SIK2: variants seen among roughly 807,000 people sequenced by gnomAD.
SIK2 encodes the protein serine/threonine-protein kinase SIK2.
SIK2 carries 29 observed loss-of-function variants against 103.2 expected under a neutral mutation model. That is an observed-to-expected ratio of 0.28 (90% CI 0.21 to 0.38). The LOEUF (loss-of-function observed/expected upper bound fraction) is 0.38. Among genes scored for constraint, SIK2 ranks in the 10% least tolerant of loss-of-function variants. The pLI is 1.00. For missense variants in SIK2, 879 were observed against 1,171.0 expected, an observed-to-expected ratio of 0.75 and a Z score of 3.64; for synonymous variants, 412 against 446.1, an observed-to-expected ratio of 0.92 and a Z score of 0.96.
chr11:111,626,831 G>T (rs1490508933), intron 3 of SIK2, among the ~76,000 whole-genome samples: 1 of 152,002 alleles, frequency 6.6e-6, no homozygotes, highest in Admixed American at 6.6e-5. Context: ...CCTTAAACAT[G>T]CCTTGCTCTT....
intron 1 of SIK2, among the ~76,000 whole-genome samples, chr11:111,610,263 G>T (rs1331611231): frequency 6.6e-6 from 1 of 152,160 alleles, no homozygotes; most frequent in African/African-American, 2.4e-5. Flanking sequence ...GCCGAGGCGG[G>T]TGGATTGCTT....
chr11:111,622,943 T>G (rs549512541), intron 3 of SIK2, among the ~76,000 whole-genome samples: 1 of 152,334 alleles, frequency 6.6e-6, no homozygotes, highest in South Asian at 2.1e-4. Flanking sequence ...GTGACTATAC[T>G]CTTTTCATCA....
In SIK2 at chr11:111,602,476, G is replaced by T. The variant is rs896099701; in HGVS notation, c.-88G>T. ...GGAGCGAAGGAGCGAAGGAGCAAGC[G>T]GAGCGGCCGTCGCCCAAGCCAAGCC... On this transcript the variant is annotated 5_prime_UTR_variant, in exon 1 of 15. Transcript: ENST00000304987. This position sits in a 1 kb window ranked among gnomAD's most constrained non-coding sequence, Gnocchi z 4.5. The T allele has an allele frequency of 1.2e-5, 16 of 1,339,980 alleles. No individual in the cohort carries two copies. The African/African-American group carries it at 1.2e-4, about 10-fold the overall frequency. The allele number at this position is 1,339,980 out of a possible 1,614,324, so 83.0% of individuals were successfully genotyped here.
intron 3 of SIK2, among the ~76,000 whole-genome samples, chr11:111,673,013 T>C: frequency 6.6e-6 from 1 of 152,254 alleles, no homozygotes; most frequent in South Asian, 2.1e-4. Flanking sequence ...TGGAAACCCA[T>C]GCTAATCTCT....
chr11:111,603,331 C>T lies in SIK2; in HGVS notation c.135+633C>T, dbSNP rs997750300. Among the ~76,000 whole-genome samples the T allele has an allele frequency of 4.6e-5, 7 of 152,282 alleles. No individual in the cohort carries two copies. The East Asian group carries it at 1.2e-3, about 25-fold the overall frequency. ...GGCTAGCTTGATCTCTTGCCTGGGGCATTTCCATTTAATGCCCCAGACAAT... is the reference window on the plus strand; with the variant it reads ...GGCTAGCTTGATCTCTTGCCTGGGGTATTTCCATTTAATGCCCCAGACAAT... On this transcript the variant is annotated intron_variant, in intron 1 of 14. Transcript: ENST00000304987.
chr11:111,646,004 A>G (rs1942251216), intron 3 of SIK2, among the ~76,000 whole-genome samples: 4 of 152,166 alleles, frequency 2.6e-5, no homozygotes, highest in Admixed American at 2.6e-4. Context: ...TTTATGTTTT[A>G]GACACTTTCA....
intron 10 of SIK2, 53 bp downstream of exon 10, chr11:111,720,056 C>G: frequency 6.5e-7 from 1 of 1,542,230 alleles, no homozygotes. Flanking sequence ...ATGTCATACT[C>G]CAATTGCCAA....
intron 4 of SIK2, among the ~76,000 whole-genome samples, chr11:111,697,793 C>T (rs914008330): frequency 4.6e-5 from 7 of 151,798 alleles, no homozygotes; most frequent in African/African-American, 1.7e-4. Context: ...GAGTTTAAGA[C>T]CAGCCTACAC....
At chr11:111,687,795 C>T (rs1259839792) in intron 3 of SIK2, among the ~76,000 whole-genome samples, 9 of 151,570 alleles carry the variant, frequency 5.9e-5, no homozygotes, top group Non-Finnish European at 5.9e-5. Context: ...TTAGTAGAGA[C>T]GGGGTTTCAC....
In SIK2 at chr11:111,723,642, C is replaced by A; in HGVS notation, c.2294C>A (p.Ala765Asp). ...GAGACTCCACCGCCTTCTCAGCAGG[C>A]CCCACCGTTCAGCCTGACCCAGCCC... The part of the protein sequence containing the change: ...RQETPPPSQQ[A>D]PPFSLTQPLS... The change falls in exon 15 of 15, where the codon GCC (alanine) becomes GAC (aspartate). Residue 765 changes from alanine (A) to aspartate (D), a missense_variant. Ala to Asp is a moderately radical substitution (Grantham distance 126, BLOSUM62 -2). Coordinates refer to ENST00000304987, the MANE Select transcript of SIK2 (RefSeq NM_015191.3). 2 of 1,614,138 alleles carry A rather than the reference C, an allele frequency of 1.2e-6. No individual in the cohort carries two copies. Among genetic ancestry groups the A allele is most frequent in the East Asian group, 2.2e-5 (1 of 44,876 alleles).
chr11:111,700,298 G>A (rs1330496090), intron 4 of SIK2, among the ~76,000 whole-genome samples: 1 of 152,166 alleles, frequency 6.6e-6, no homozygotes, highest in Non-Finnish European at 1.5e-5. Flanking sequence ...GGTGGCTTGT[G>A]GCTGGGCTAT....
intron 7 of SIK2, 90 bp downstream of exon 7, chr11:111,703,513 T>C: frequency 8.8e-7 from 1 of 1,134,794 alleles, no homozygotes. Context: ...TTAGCACATG[T>C]ATCTCCAGCG....
chr11:111,723,346 A>T (rs1943862324), intron 14 of SIK2, 150 bp from the exon 15 acceptor site: 4 of 800,166 alleles, frequency 5.0e-6, no homozygotes, highest in Non-Finnish European at 7.8e-6. Flanking sequence ...TAAGAGACCC[A>T]ACACAATTGG....
At chr11:111,608,050 A>G (rs566081608) in intron 1 of SIK2, among the ~76,000 whole-genome samples, 1 of 152,334 alleles carries the variant, frequency 6.6e-6, no homozygotes, top group Admixed American at 6.5e-5. Context: ...TCCAGAATTC[A>G]TTAGGATATC....
Position 111,703,304 on chromosome 11 carries a change from G to A in SIK2, c.829G>A (p.Val277Ile), listed in dbSNP as rs764751245. ...EHKWMLIEVP[V>I]QRPVLYPQEQ... ...TAAATGGATGCTCATAGAAGTTCCT[G>A]TCCAGAGACCTGTTCTCTATCCACA... The change falls in exon 7 of 15, where the codon GTC becomes ATC. Residue 277 changes from valine to isoleucine, a missense_variant. This residue lies in a region of SIK2 where 99 missense variants were observed against 153.9 expected (regional missense o/e 0.64). Coordinates refer to ENST00000304987, the MANE Select transcript of SIK2 (RefSeq NM_015191.3). The A allele has an allele frequency of 1.2e-6, 2 of 1,614,192 alleles. No homozygotes were observed. The highest frequency in any genetic ancestry group is 1.1e-5 in the South Asian group (1 of 91,088).
intron 1 of SIK2, among the ~76,000 whole-genome samples, chr11:111,609,262 C>T (rs1017258373): frequency 3.3e-5 from 5 of 152,046 alleles, no homozygotes; most frequent in East Asian, 1.9e-4. Flanking sequence ...ATATAACTAT[C>T]GGACCATTTA....
chr11:111,705,876 T>A lies in SIK2; in HGVS notation c.1101+737T>A, dbSNP rs1055524630. Among the ~76,000 whole-genome samples, 1 of 151,840 alleles carries A rather than the reference T, an allele frequency of 6.6e-6. No individual in the cohort carries two copies. Among genetic ancestry groups the A allele is most frequent in the South Asian group, 2.1e-4 (1 of 4,808 alleles). On this transcript the variant is annotated intron_variant, in intron 8 of 14. Coordinates refer to ENST00000304987, the MANE Select transcript of SIK2 (RefSeq NM_015191.3). This position sits in a 1 kb window ranked among gnomAD's most constrained non-coding sequence, Gnocchi z 4.3. ...AATTTGGAGAGAGCAGTTAGGAGAG[T>A]GTTACAGTAGAGATGAGAAATACCG...
intron 3 of SIK2, among the ~76,000 whole-genome samples, chr11:111,667,376 AG>A (rs1489934095): frequency 1.3e-5 from 2 of 152,136 alleles, no homozygotes; most frequent in Non-Finnish European, 2.9e-5. Context: ...GCATTACATT[AG>A]CATTTCAATT....
chr11:111,650,128 C>T (rs1942309248), intron 3 of SIK2, among the ~76,000 whole-genome samples: 1 of 151,764 alleles, frequency 6.6e-6, no homozygotes, highest in Non-Finnish European at 1.5e-5. Context: ...TACATATATG[C>T]TAAACAACTA....
Sources: allele counts gnomAD v4.1 joint callset (sites outside exome capture counted in the v4.1 genomes callset), GRCh38; gene constraint gnomAD v4.1.1; regional missense constraint gnomAD v4.1.1; non-coding constraint Gnocchi (gnomAD v3.1); transcripts MANE v1.5; gene names NCBI Gene and HGNC (gene_info 2026-07-23, HGNC 2026-07-21).